Variants in CACNA2D3 observed in about 807,000 individuals in gnomAD.
CACNA2D3 encodes calcium voltage-gated channel auxiliary subunit alpha2delta 3, also known as voltage-dependent calcium channel subunit alpha-2/delta-3.
A neutral mutation model predicts 160.6 loss-of-function variants in CACNA2D3; 60 were observed. The ratio of observed to expected loss-of-function variants is 0.37; its 90% CI spans 0.30 to 0.46. The LOEUF is 0.46. Among genes scored for constraint, CACNA2D3 ranks in the 20% least tolerant of loss-of-function variants. CACNA2D3 has a pLI of 1.00. For synonymous variants in CACNA2D3, 558 were observed against 492.9 expected (o/e 1.13, Z -1.75); for missense variants, 1,205 against 1,365.0 (o/e 0.88, Z 1.85).
chr3:54,834,295 A>G (rs370752079), intron 14 of CACNA2D3, among the ~76,000 whole-genome samples: 4 of 152,262 alleles, frequency 2.6e-5, no homozygotes, highest in African/African-American at 7.2e-5. Flanking sequence ...TTTGAGTTGC[A>G]AAGTGGAAGT....
chr3:54,358,221 A>G (rs1698682336), intron 3 of CACNA2D3, among the ~76,000 whole-genome samples: 1 of 152,244 alleles, frequency 6.6e-6, no homozygotes. Context: ...TCACTCCAAA[A>G]TATAAAATTA....
intron 11 of CACNA2D3, among the ~76,000 whole-genome samples, chr3:54,705,069 C>T (rs1371364799): frequency 6.6e-6 from 1 of 152,092 alleles, no homozygotes; most frequent in African/African-American, 2.4e-5. Flanking sequence ...GGTCTTCCTG[C>T]CTGATTATTT....
At chr3:54,911,346 G>T (rs1203437322) in intron 27 of CACNA2D3, among the ~76,000 whole-genome samples, 457 of 15,474 alleles carry the variant, frequency 0.03, no homozygotes, top group African/African-American at 0.054. Context: ...CTCCTTCTTT[G>T]TCGTCTTTTT....
chr3:54,341,657 A>T (rs1449115541), intron 3 of CACNA2D3, among the ~76,000 whole-genome samples: 1 of 152,214 alleles, frequency 6.6e-6, no homozygotes, highest in East Asian at 1.9e-4. Context: ...GCCAAGTGTC[A>T]GTAGCATCTC....
intron 4 of CACNA2D3, among the ~76,000 whole-genome samples, chr3:54,443,603 G>A (rs1408135086): frequency 6.6e-6 from 1 of 152,136 alleles, no homozygotes; most frequent in Non-Finnish European, 1.5e-5. Flanking sequence ...GTGTTTTCCT[G>A]GTGGAGCAGA....
Position 54,752,580 on chromosome 3 carries a change from G to C in CACNA2D3, c.1168-19G>C. ...CGAAAAGTGAATGCCGCTCAGCCATGCGTTTGTCTTCCCTTCAGGTTCGCA... is the reference window on the plus strand; with the variant it reads ...CGAAAAGTGAATGCCGCTCAGCCATCCGTTTGTCTTCCCTTCAGGTTCGCA... On this transcript the variant is annotated intron_variant, in intron 11 of 37. Transcript: ENST00000474759. The C allele has an allele frequency of 1.2e-6, 2 of 1,600,434 alleles. No homozygotes were observed. Among genetic ancestry groups the C allele is most frequent in the Non-Finnish European group, 1.7e-6 (2 of 1,168,730 alleles).
Position 54,378,405 on chromosome 3 carries a change from G to A in CACNA2D3, c.322-8310G>A, listed in dbSNP as rs1362058157. On this transcript the variant is annotated intron_variant, in intron 3 of 37. Coordinates refer to ENST00000474759, the MANE Select transcript of CACNA2D3 (RefSeq NM_018398.3). ...TGAGCTCAGGCAGTGATGCTCGCAG[G>A]CCCTCCACTCACCTCCTGCTGTGCA... 3.9e-5 allele frequency among the ~76,000 whole-genome samples: 6 copies of A among 152,146 alleles called. No individual in the cohort carries two copies. In the East Asian group the frequency reaches 9.7e-4, roughly 24 times the overall value.
intron 4 of CACNA2D3, among the ~76,000 whole-genome samples, chr3:54,387,521 G>A (rs751401207): frequency 5.9e-5 from 9 of 152,074 alleles, no homozygotes; most frequent in Non-Finnish European, 1.0e-4. Flanking sequence ...GCGTGGTAGC[G>A]CACGCCTGTA....
chr3:54,568,926 T>C (rs6806680), intron 6 of CACNA2D3, among the ~76,000 whole-genome samples: 39,157 of 152,140 alleles, frequency 0.26, 5,682 homozygotes, highest in Middle Eastern at 0.41. Flanking sequence ...AAAAAAAGAA[T>C]CTCAATGCCA....
chr3:54,775,729 C>A (rs1295069697), intron 13 of CACNA2D3, among the ~76,000 whole-genome samples: 1 of 152,072 alleles, frequency 6.6e-6, no homozygotes, highest in Non-Finnish European at 1.5e-5. Context: ...TTTTCTTCAT[C>A]ACTTCTGATG....
At chr3:54,295,270 G>T (rs749456260) in intron 2 of CACNA2D3, among the ~76,000 whole-genome samples, 9 of 152,186 alleles carry the variant, frequency 5.9e-5, no homozygotes, top group Admixed American at 2.0e-4. Flanking sequence ...GGTAGGAGAT[G>T]AGGGAGTGTG....
At chr3:54,175,542 G>T (rs913054242) in intron 2 of CACNA2D3, among the ~76,000 whole-genome samples, 7 of 149,662 alleles carry the variant, frequency 4.7e-5, no homozygotes, top group Non-Finnish European at 7.4e-5. Context: ...GAACCCGGGA[G>T]GCAGAACTTG....
At chr3:54,386,830 G>T in intron 4 of CACNA2D3, 56 bp downstream of exon 4, 1 of 1,454,622 alleles carries the variant, frequency 6.9e-7, no homozygotes, top group Non-Finnish European at 9.4e-7. Context: ...CAAAGGACAA[G>T]TACCAGGTAT....
intron 5 of CACNA2D3, among the ~76,000 whole-genome samples, chr3:54,519,174 G>A (rs1189258281): frequency 2.3e-5 from 1 of 43,050 alleles, no homozygotes; most frequent in African/African-American, 9.9e-5. Flanking sequence ...GCCATGTGTT[G>A]TGAAGGCCAG....
intron 2 of CACNA2D3, among the ~76,000 whole-genome samples, chr3:54,299,787 G>C (rs1025408791): frequency 3.3e-5 from 5 of 152,132 alleles, no homozygotes; most frequent in African/African-American, 4.8e-5. Flanking sequence ...AAATAGAAGT[G>C]AATTAACACA....
In CACNA2D3 at chr3:55,033,584, G is replaced by GTA. The variant is rs36230201; in HGVS notation, c.2987+15289_2987+15290dup. ...ACTATCGTGTCATTTATGTGTGTGT[G>GTA]TATATATATATATATATATATATCT... On this transcript the variant is annotated intron_variant, in intron 35 of 37. Transcript: ENST00000474759. 2.0e-3 allele frequency among the ~76,000 whole-genome samples: 230 copies of GTA among 112,792 alleles called. 1 individual carries two copies. The highest frequency in any genetic ancestry group is 4.9e-3 in the African/African-American group (150 of 30,458). 74.0% of individuals were successfully genotyped at this position (112,792 alleles called of 152,430 possible). A position where few individuals can be genotyped will look rare whatever the true frequency, so the allele number is the denominator to read the frequency against.
intron 2 of CACNA2D3, among the ~76,000 whole-genome samples, chr3:54,149,366 GGC>G (rs1700098459): frequency 6.6e-6 from 1 of 151,876 alleles, no homozygotes; most frequent in Non-Finnish European, 1.5e-5. Context: ...GGCTGCCTTG[GGC>G]CTAGGGTTGC....
intron 11 of CACNA2D3, among the ~76,000 whole-genome samples, chr3:54,674,619 T>C (rs1357212569): frequency 6.6e-6 from 1 of 152,026 alleles, no homozygotes; most frequent in East Asian, 1.9e-4. Context: ...AGGGTTGGGG[T>C]TCAAGTTGGT....
intron 2 of CACNA2D3, among the ~76,000 whole-genome samples, chr3:54,282,305 A>G (rs1702899112): frequency 6.6e-6 from 1 of 152,234 alleles, no homozygotes; most frequent in Non-Finnish European, 1.5e-5. Flanking sequence ...TAACATAGGT[A>G]TAGAGATGCT....
Sources: allele counts gnomAD v4.1 joint callset (sites outside exome capture counted in the v4.1 genomes callset), GRCh38; gene constraint gnomAD v4.1.1; transcripts MANE v1.5; gene names NCBI Gene and HGNC (gene_info 2026-07-23, HGNC 2026-07-21).